The following EPSTI1 variants were observed in gnomAD, a reference collection of about 807,000 sequenced individuals.
The protein encoded by EPSTI1 is epithelial-stromal interaction protein 1.
EPSTI1 carries 66 observed loss-of-function variants against 49.9 expected under a neutral mutation model. The observed-to-expected ratio is 1.32, with a 90% CI of 1.08 to 1.62. EPSTI1 has a LOEUF of 1.62. EPSTI1 is among the 40% of genes most tolerant of loss of function. The pLI is 0.00. For synonymous variants in EPSTI1, 137 were observed against 130.7 expected, an observed-to-expected ratio of 1.05 and a Z score of -0.33; for missense variants, 394 against 365.5, an observed-to-expected ratio of 1.08 and a Z score of -0.64.
chr13:42,942,423 T>G (rs1183017142), intron 6 of EPSTI1, among the ~76,000 whole-genome samples: 1 of 152,096 alleles, frequency 6.6e-6, no homozygotes, highest in African/African-American at 2.4e-5. Flanking sequence ...TTATTTGTTG[T>G]ATTATACTTA....
intron 5 of EPSTI1, among the ~76,000 whole-genome samples, chr13:42,960,882 T>C (rs944467197): frequency 6.6e-6 from 1 of 152,168 alleles, no homozygotes; most frequent in African/African-American, 2.4e-5. Flanking sequence ...TGTGATTATA[T>C]TGGGCACCTG....
chr13:42,946,722 T>G (rs948924581), intron 6 of EPSTI1, among the ~76,000 whole-genome samples: 1 of 152,184 alleles, frequency 6.6e-6, no homozygotes, highest in Non-Finnish European at 1.5e-5. Context: ...TAGCCTGTGT[T>G]TCTACAGTGC....
At chr13:42,985,224 G>A (rs74060397) in intron 1 of EPSTI1, among the ~76,000 whole-genome samples, 13,421 of 152,266 alleles carry the variant, frequency 0.088, 748 homozygotes, top group South Asian at 0.18. Context: ...GTATATTCAA[G>A]AAGGCAAAGG....
intron 1 of EPSTI1, among the ~76,000 whole-genome samples, chr13:42,987,761 G>T (rs2040111662): frequency 6.6e-6 from 1 of 151,912 alleles, no homozygotes; most frequent in Admixed American, 6.6e-5. Context: ...GCTTCATAAG[G>T]GCTTATTTTG....
intron 5 of EPSTI1, among the ~76,000 whole-genome samples, chr13:42,959,396 A>T (rs1200526147): frequency 1.3e-5 from 2 of 152,216 alleles, no homozygotes; most frequent in African/African-American, 2.4e-5. Context: ...AGTTTTCAGA[A>T]ATGGAAATGT....
Position 42,924,282 on chromosome 13 carries a change from C to T in EPSTI1, c.657+2054G>A, listed in dbSNP as rs77104425. Among the ~76,000 whole-genome samples, 63 of 152,272 alleles carry T rather than the reference C, an allele frequency of 4.1e-4. No individual in the cohort carries two copies. The South Asian group carries it at 8.3e-3, about 20-fold the overall frequency. On this transcript the variant is annotated intron_variant, in intron 7 of 10. Transcript: ENST00000313624. ...CTATTGCGTGGAGTTTATAAGGAAC[C>T]GTCCTGGGTCCAATCTCCCTCCATA...
intron 8 of EPSTI1, among the ~76,000 whole-genome samples, chr13:42,906,529 G>T (rs1594624513): frequency 6.6e-6 from 1 of 152,240 alleles, no homozygotes; most frequent in East Asian, 1.9e-4. Context: ...AGAGGAAAGG[G>T]ATAGTGGAAG....
At chr13:42,892,070 G>A (rs988649682) in intron 10 of EPSTI1, among the ~76,000 whole-genome samples, 4 of 152,106 alleles carry the variant, frequency 2.6e-5, no homozygotes, top group Non-Finnish European at 5.9e-5. Flanking sequence ...TGGATATTTT[G>A]GAGAATAGTG....
chr13:42,918,196 G>A lies in EPSTI1; in HGVS notation c.658-572C>T, dbSNP rs534424648. Among the ~76,000 whole-genome samples, 18 of 152,246 alleles carry A rather than the reference G, an allele frequency of 1.2e-4. No individual in the cohort carries two copies. The South Asian group carries it at 3.3e-3, about 28-fold the overall frequency. ...AAACAAAGCCTATTCAGGAACACATGACAACAAAGCCTTTGGCAAGCCAGC... is the reference window on the plus strand; with the variant it reads ...AAACAAAGCCTATTCAGGAACACATAACAACAAAGCCTTTGGCAAGCCAGC... On this transcript the variant is annotated intron_variant, in intron 7 of 10. Transcript: ENST00000313624.
rs1338118452 is a variant in EPSTI1, at chr13:42,912,059, T to C, written c.741+5482A>G. ...GTATTTTACTGATTCTTGTATATATTTTGACTGTAAAATCAATGACTTTCT... is the reference window on the plus strand; with the variant it reads ...GTATTTTACTGATTCTTGTATATATCTTGACTGTAAAATCAATGACTTTCT... On this transcript the variant is annotated intron_variant, in intron 8 of 10. Transcript: ENST00000313624. Among the ~76,000 whole-genome samples, 5 of 152,228 alleles carry C rather than the reference T, an allele frequency of 3.3e-5. No individual in the cohort carries two copies. In the East Asian group the frequency reaches 9.6e-4, roughly 29 times the overall value.
chr13:42,910,199 T>TA (rs2037626134), intron 8 of EPSTI1, among the ~76,000 whole-genome samples: 1 of 151,862 alleles, frequency 6.6e-6, no homozygotes, highest in South Asian at 2.1e-4. Flanking sequence ...ATTTTCTAAT[T>TA]AAGTTTTGCT....
intron 1 of EPSTI1, among the ~76,000 whole-genome samples, chr13:42,986,357 T>A (rs1383921074): frequency 1.3e-5 from 2 of 152,162 alleles, no homozygotes; most frequent in African/African-American, 4.8e-5. Flanking sequence ...GCTAAGTGTC[T>A]TTTTTATGCT....
intron 6 of EPSTI1, among the ~76,000 whole-genome samples, chr13:42,952,057 AC>A (rs2039115225): frequency 6.6e-6 from 1 of 152,204 alleles, no homozygotes; most frequent in African/African-American, 2.4e-5. Context: ...GTAAAAATGC[AC>A]CAATCAGCGC....
intron 1 of EPSTI1, among the ~76,000 whole-genome samples, chr13:42,989,243 G>A (rs2040143029): frequency 6.6e-6 from 1 of 151,818 alleles, no homozygotes; most frequent in Non-Finnish European, 1.5e-5. Flanking sequence ...TACTTTACCA[G>A]GAATAAAGTT....
intron 1 of EPSTI1, among the ~76,000 whole-genome samples, chr13:42,989,686 C>T (rs1390632906): frequency 1.3e-5 from 2 of 149,876 alleles, no homozygotes; most frequent in African/African-American, 2.5e-5. Flanking sequence ...CTCTGCCTCC[C>T]GGGTTCACGC....
At chr13:42,931,853 T>G (rs1357687352) in intron 6 of EPSTI1, among the ~76,000 whole-genome samples, 1 of 152,204 alleles carries the variant, frequency 6.6e-6, no homozygotes, top group South Asian at 2.1e-4. Flanking sequence ...TTTTTTCCAG[T>G]GAGCATCCTG....
intron 1 of EPSTI1, among the ~76,000 whole-genome samples, chr13:42,971,236 G>C (rs748756589): frequency 6.6e-6 from 1 of 152,150 alleles, no homozygotes; most frequent in African/African-American, 2.4e-5. Flanking sequence ...TCAACCAGGC[G>C]GATCAGGGAA....
intron 10 of EPSTI1, among the ~76,000 whole-genome samples, chr13:42,891,619 C>T (rs1026432538): frequency 6.6e-6 from 1 of 152,086 alleles, no homozygotes; most frequent in East Asian, 1.9e-4. Context: ...TTTCATCAAA[C>T]GTTTTATACA....
At chr13:42,933,051 A>G (rs768253898) in intron 6 of EPSTI1, among the ~76,000 whole-genome samples, 42 of 152,322 alleles carry the variant, frequency 2.8e-4, no homozygotes, top group Non-Finnish European at 5.6e-4. Context: ...AAATTAAGGA[A>G]TCATAATGAC....
Sources: allele counts gnomAD v4.1 joint callset (sites outside exome capture counted in the v4.1 genomes callset), GRCh38; gene constraint gnomAD v4.1.1; transcripts MANE v1.5; gene names NCBI Gene and HGNC (gene_info 2026-07-23, HGNC 2026-07-21).